ABL1: variants seen among roughly 807,000 people sequenced by gnomAD.
ABL1 encodes the protein ABL proto-oncogene 1, non-receptor tyrosine kinase.
A neutral mutation model predicts 94.7 loss-of-function variants in ABL1; 11 were observed. That is an observed-to-expected ratio of 0.12 (90% CI 0.07 to 0.19). The LOEUF (loss-of-function observed/expected upper bound fraction) is 0.19. Ranked by LOEUF, ABL1 falls within the 10% of genes least tolerant of loss-of-function variation. The pLI, the probability that ABL1 is intolerant of heterozygous loss-of-function variation, is 1.00. For synonymous variants in ABL1, 656 were observed against 622.4 expected (o/e 1.05, Z -0.80); for missense variants, 1,082 against 1,489.4 (o/e 0.73, Z 4.50).
intron 1 of ABL1, among the ~76,000 whole-genome samples, chr9:130,777,258 C>A (rs1473887636): frequency 3.3e-5 from 5 of 152,190 alleles, no homozygotes; most frequent in African/African-American, 1.2e-4. Context: ...TCCATTCATG[C>A]TTAAGAACAT....
At chr9:130,808,908 A>G (rs926485783) in intron 1 of ABL1, among the ~76,000 whole-genome samples, 1 of 152,244 alleles carries the variant, frequency 6.6e-6, no homozygotes, top group Admixed American at 6.5e-5. Context: ...TGAAGTTATT[A>G]GGTCTAAGGT....
chr9:130,816,946 TCCCCCCG>T (rs1179280850), intron 1 of ABL1, among the ~76,000 whole-genome samples: 8 of 152,038 alleles, frequency 5.3e-5, no homozygotes, highest in Admixed American at 5.2e-4. Context: ...CTCAGGTGAT[TCCCCCCG>T]CCTTGGCCTC....
At chr9:130,834,810 C>A (rs990099237), upstream of ABL1, 1 of 449,818 alleles carries the variant, frequency 2.2e-6, no homozygotes, top group African/African-American at 2.0e-5. Context: ...TCACAGGACG[C>A]GCGTTGAGTA....
intron 1 of ABL1, among the ~76,000 whole-genome samples, chr9:130,734,082 A>G (rs951972699): frequency 2.0e-5 from 3 of 152,152 alleles, no homozygotes; most frequent in Admixed American, 6.6e-5. Context: ...TGGAAACATT[A>G]CTTTTTGAGG....
intron 1 of ABL1, among the ~76,000 whole-genome samples, chr9:130,853,432 T>G (rs1830912679): frequency 6.6e-6 from 1 of 151,596 alleles, no homozygotes; most frequent in African/African-American, 2.4e-5. Context: ...CGGCTTTTTT[T>G]TTTGACACGG....
At position 130,872,225 on chromosome 9, in the gene ABL1, C is replaced by T. The variant is rs528580460; in HGVS notation, c.907+12C>T. Reference sequence around the variant, plus strand: ...GGTGCAGCTCCTTGGTGAGTAAGCCCGGGGCTCTGAAGAGAGGGTCTCGCG... The same window carrying T: ...GGTGCAGCTCCTTGGTGAGTAAGCCTGGGGCTCTGAAGAGAGGGTCTCGCG... On this transcript the variant is annotated intron_variant, in intron 5 of 10. Coordinates refer to ENST00000318560, the MANE Select transcript of ABL1 (RefSeq NM_005157.6). This position sits in a 1 kb window ranked among gnomAD's most constrained non-coding sequence, Gnocchi z 5.0. 1.6e-5 allele frequency: 25 copies of T among 1,612,374 alleles called. No individual in the cohort carries two copies. Among genetic ancestry groups the T allele is most frequent in the South Asian group, 1.4e-4 (13 of 90,916 alleles).
chr9:130,747,728 T>C (rs763328346), intron 1 of ABL1, among the ~76,000 whole-genome samples: 16 of 152,208 alleles, frequency 1.1e-4, no homozygotes, highest in Non-Finnish European at 4.4e-5. Flanking sequence ...CTTCCTCTTA[T>C]AGGGACACTT....
intron 4 of ABL1, among the ~76,000 whole-genome samples, chr9:130,867,937 G>GTT (rs34124714): frequency 0.015 from 2,176 of 141,278 alleles, 74 homozygotes; most frequent in African/African-American, 0.052. Context: ...CCCTCCAGTG[G>GTT]TTTTTTTTTT....
At chr9:130,738,090 A>G (rs1831768535) in intron 1 of ABL1, among the ~76,000 whole-genome samples, 1 of 152,046 alleles carries the variant, frequency 6.6e-6, no homozygotes, top group South Asian at 2.1e-4. Context: ...TCCACCTCCC[A>G]AAGTGCTGGG....
intron 1 of ABL1, among the ~76,000 whole-genome samples, chr9:130,758,722 C>T (rs1043256788): frequency 3.9e-5 from 6 of 152,194 alleles, no homozygotes; most frequent in African/African-American, 4.8e-5. Flanking sequence ...TGTGAGCCAC[C>T]GCATCCGGCC....
intron 1 of ABL1, among the ~76,000 whole-genome samples, chr9:130,735,961 A>ATATATATATTTTTTTT (rs573602038): frequency 1.2e-4 from 11 of 94,840 alleles, no homozygotes; most frequent in African/African-American, 6.4e-4. Context: ...ATATATATAT[A>ATATATATATTTTTTTT]TTTTTTTTTT....
chr9:130,785,293 G>A (rs764385091), intron 1 of ABL1, among the ~76,000 whole-genome samples: 1 of 152,166 alleles, frequency 6.6e-6, no homozygotes, highest in Non-Finnish European at 1.5e-5. Context: ...ACAGCCCAGT[G>A]GGTGGTACCG....
chr9:130,872,882 G>A lies in ABL1; in HGVS notation c.930G>A (p.Pro310=), dbSNP rs367767966. 1.0e-4 allele frequency: 163 copies of A among 1,613,524 alleles called. No homozygotes were observed. The highest frequency in any genetic ancestry group is 1.7e-4 in the Admixed American group (10 of 59,994). The change falls in exon 6 of 11, where the codon CCG becomes CCA. Residue 310 remains proline (P), a synonymous_variant. Coordinates refer to ENST00000318560, the MANE Select transcript of ABL1 (RefSeq NM_005157.6). The surrounding 1 kb of genome is among the most constrained non-coding windows in gnomAD (Gnocchi z 5.0). ...QLLGVCTREP[P]FYIITEFMTY... is the part of the protein sequence containing the mutation. Reference sequence around the variant, plus strand: ...CAGGGGTCTGCACCCGGGAGCCCCCGTTCTATATCATCACTGAGTTCATGA... The same window carrying A: ...CAGGGGTCTGCACCCGGGAGCCCCCATTCTATATCATCACTGAGTTCATGA...
At chr9:130,822,111 T>A (rs1416619690) in intron 1 of ABL1, among the ~76,000 whole-genome samples, 4 of 152,160 alleles carry the variant, frequency 2.6e-5, no homozygotes, top group Non-Finnish European at 5.9e-5. Flanking sequence ...GTGCTGGCAT[T>A]ACAGGCGTGA....
At chr9:130,717,906 A>G (rs2132668674) in intron 1 of ABL1, among the ~76,000 whole-genome samples, 1 of 152,150 alleles carries the variant, frequency 6.6e-6, no homozygotes, top group South Asian at 2.1e-4. Context: ...CCAGCTACTC[A>G]GGAGGCTGAG....
intron 1 of ABL1, among the ~76,000 whole-genome samples, chr9:130,808,768 T>C (rs1274694943): frequency 6.6e-6 from 1 of 152,314 alleles, no homozygotes; most frequent in East Asian, 1.9e-4. Flanking sequence ...CAACTACTTA[T>C]CTAACAGGTC....
intron 1 of ABL1, among the ~76,000 whole-genome samples, chr9:130,733,614 C>CT (rs1831694701): frequency 7.4e-6 from 1 of 135,096 alleles, no homozygotes; most frequent in East Asian, 2.4e-4. Flanking sequence ...GAGTCTCACT[C>CT]GTTGCCCAGG....
chr9:130,831,146 A>G (rs150725792), upstream of ABL1, among the ~76,000 whole-genome samples: 609 of 152,290 alleles, frequency 4.0e-3, 6 homozygotes, highest in African/African-American at 0.014. Context: ...TACTGTGCAC[A>G]TACCTCAAGA....
At chr9:130,725,595 G>C (rs898472845) in intron 1 of ABL1, among the ~76,000 whole-genome samples, 5 of 151,812 alleles carry the variant, frequency 3.3e-5, no homozygotes, top group African/African-American at 1.2e-4. Context: ...GGTCAGGCTG[G>C]TCTCGAACTC....
Sources: allele counts gnomAD v4.1 joint callset (sites outside exome capture counted in the v4.1 genomes callset), GRCh38; gene constraint gnomAD v4.1.1; non-coding constraint Gnocchi (gnomAD v3.1); transcripts MANE v1.5; gene names NCBI Gene and HGNC (gene_info 2026-07-23, HGNC 2026-07-21).